EYA4: variants seen among roughly 807,000 people sequenced by gnomAD.
EYA4 encodes the protein EYA transcriptional coactivator and phosphatase 4.
EYA4 carries 31 observed loss-of-function variants against 87.9 expected under a neutral mutation model. That is an observed-to-expected ratio of 0.35 (90% CI 0.27 to 0.48). The LOEUF is 0.48. Among genes scored for constraint, EYA4 ranks in the 20% least tolerant of loss-of-function variants. The pLI is 0.99. For missense variants in EYA4, 678 were observed against 761.4 expected (o/e 0.89, Z 1.29); for synonymous variants, 263 against 270.6 (o/e 0.97, Z 0.28).
At chr6:133,465,580 G>A (rs1391305102) in intron 10 of EYA4, among the ~76,000 whole-genome samples, 2 of 152,078 alleles carry the variant, frequency 1.3e-5, no homozygotes, top group Non-Finnish European at 2.9e-5. Flanking sequence ...AGATGAATTC[G>A]TGATATATGT....
chr6:133,261,958 C>T (rs1775829308), intron 1 of EYA4, among the ~76,000 whole-genome samples: 1 of 152,154 alleles, frequency 6.6e-6, no homozygotes, highest in Non-Finnish European at 1.5e-5. Context: ...TTTCCAAGAT[C>T]ATACATTTAT....
intron 1 of EYA4, among the ~76,000 whole-genome samples, chr6:133,258,384 G>C (rs903903004): frequency 6.6e-6 from 1 of 151,950 alleles, no homozygotes; most frequent in Non-Finnish European, 1.5e-5. Context: ...TTTTTATTGC[G>C]ATCTTTTTCT....
chr6:133,529,964 A>C lies in EYA4; in HGVS notation c.*1159A>C, dbSNP rs75052704. On this transcript the variant is annotated 3_prime_UTR_variant, in exon 20 of 20. Transcript: ENST00000355286. ...AACTTTTTTAGAATGTGCCATGAAC[A>C]TGGCATAAAATTCACATTGAGTGCA... The C allele has an allele frequency of 1.0e-6, 1 of 985,464 alleles. No homozygotes were observed. The highest frequency in any genetic ancestry group is 1.1e-4 in the East Asian group (1 of 8,818). 61.0% of individuals were successfully genotyped at this position (985,464 alleles called of 1,614,324 possible).
chr6:133,267,284 A>G (rs1207293958), intron 1 of EYA4, among the ~76,000 whole-genome samples: 4 of 152,186 alleles, frequency 2.6e-5, no homozygotes, highest in African/African-American at 9.7e-5. Context: ...CCCATTCATC[A>G]GTATCCAAAT....
intron 14 of EYA4, among the ~76,000 whole-genome samples, chr6:133,509,534 T>G (rs1798956029): frequency 1.3e-5 from 2 of 152,158 alleles, no homozygotes; most frequent in Admixed American, 1.3e-4. Flanking sequence ...AATAGACACT[T>G]CACTGCATCC....
intron 2 of EYA4, among the ~76,000 whole-genome samples, chr6:133,355,354 T>G (rs1783934780): frequency 6.6e-6 from 1 of 152,108 alleles, no homozygotes; most frequent in East Asian, 1.9e-4. Context: ...GAAATATAAA[T>G]CATTCTGTTA....
chr6:133,507,416 C>G (rs1009424756), intron 14 of EYA4: 1 of 151,622 alleles, frequency 6.6e-6, no homozygotes, highest in Non-Finnish European at 1.5e-5. Flanking sequence ...GGAGTACATG[C>G]GCAGAACGTG....
At chr6:133,296,981 G>A (rs1457896683) in intron 2 of EYA4, among the ~76,000 whole-genome samples, 1 of 152,018 alleles carries the variant, frequency 6.6e-6, no homozygotes, top group Non-Finnish European at 1.5e-5. Context: ...CAATTCTATT[G>A]TTGTTATATA....
intron 2 of EYA4, among the ~76,000 whole-genome samples, chr6:133,369,563 C>G (rs963364542): frequency 6.6e-6 from 1 of 152,074 alleles, no homozygotes; most frequent in Non-Finnish European, 1.5e-5. Context: ...GAAGAGAGCC[C>G]TGTACTTTTT....
Position 133,531,506 on chromosome 6 carries a change from G to A in EYA4, c.*2701G>A. On this transcript the variant is annotated 3_prime_UTR_variant, in exon 20 of 20. Coordinates refer to ENST00000355286, the MANE Select transcript of EYA4 (RefSeq NM_004100.5). ...TGAAAAATGTTCTGTAACTAAAGTG[G>A]GTTTTCGGCTATTATGTATACAGCT... 1 of 446,220 alleles carries A rather than the reference G, an allele frequency of 2.2e-6. No individual in the cohort carries two copies. Among genetic ancestry groups the A allele is most frequent in the Non-Finnish European group, 4.0e-6 (1 of 249,920 alleles). 27.6% of individuals were successfully genotyped at this position (446,220 alleles called of 1,614,324 possible).
Position 133,357,043 on chromosome 6 carries a change from G to A in EYA4, c.34-25349G>A, listed in dbSNP as rs1009256236. On this transcript the variant is annotated intron_variant, in intron 2 of 19. Transcript: ENST00000355286. ...TCCCAGCACTTTGGGAGGCCGAGGC[G>A]GGCGGATCACGAGGTCAGGAGATCG... Among the ~76,000 whole-genome samples the A allele has an allele frequency of 6.6e-5, 10 of 151,780 alleles. No individual in the cohort carries two copies. In the East Asian group the frequency reaches 1.6e-3, roughly 24 times the overall value.
chr6:133,356,162 C>T (rs538035995), intron 2 of EYA4, among the ~76,000 whole-genome samples: 3 of 152,034 alleles, frequency 2.0e-5, no homozygotes, highest in South Asian at 4.2e-4. Flanking sequence ...CTCCTCATGA[C>T]GTCATATAAG....
chr6:133,343,965 A>G (rs1259672300), intron 2 of EYA4, among the ~76,000 whole-genome samples: 1 of 110,288 alleles, frequency 9.1e-6, no homozygotes, highest in Non-Finnish European at 2.0e-5. Flanking sequence ...TTTGATAGCC[A>G]TTTATCAATA....
intron 3 of EYA4, chr6:133,439,612 C>A (rs1792066339): frequency 6.6e-6 from 1 of 152,210 alleles, no homozygotes; most frequent in African/African-American, 2.4e-5. Flanking sequence ...TTTGTCCCTA[C>A]AACAATGTGC....
chr6:133,355,421 G>A (rs927114041), intron 2 of EYA4, among the ~76,000 whole-genome samples: 1 of 152,192 alleles, frequency 6.6e-6, no homozygotes, highest in African/African-American at 2.4e-5. Flanking sequence ...CAAAGACATG[G>A]AATTAGCCTA....
chr6:133,313,831 A>G (rs552610402), intron 2 of EYA4, among the ~76,000 whole-genome samples: 45 of 152,164 alleles, frequency 3.0e-4, no homozygotes, highest in Non-Finnish European at 6.0e-4. Context: ...GACTATAGAG[A>G]AATCATGTTA....
At position 133,462,419 on chromosome 6, in the gene EYA4, G is replaced by A. The variant is rs1435863664; in HGVS notation, c.522G>A (p.Gln174=). The change falls in exon 8 of 20, where the codon CAG becomes CAA. Residue 174 remains glutamine, a synonymous_variant. Transcript: ENST00000355286. Reference sequence around the variant, plus strand: ...AGACTCAGTATTCGGGGATGCAGCAGCCAGCCGTCTACACAGCCTACTCAC... The same window carrying A: ...AGACTCAGTATTCGGGGATGCAGCAACCAGCCGTCTACACAGCCTACTCAC... ...AGQTQYSGMQ[Q]PAVYTAYSQT... 6.2e-7 allele frequency: 1 copy of A among 1,613,988 alleles called. No homozygotes were observed. Among genetic ancestry groups the A allele is most frequent in the South Asian group, 1.1e-5 (1 of 91,078 alleles).
chr6:133,339,998 C>T (rs968068158), intron 2 of EYA4, among the ~76,000 whole-genome samples: 2 of 152,090 alleles, frequency 1.3e-5, no homozygotes, highest in African/African-American at 4.8e-5. Flanking sequence ...AAGAGTGCTC[C>T]TGGGCTTGAT....
intron 11 of EYA4, among the ~76,000 whole-genome samples, chr6:133,476,772 T>C (rs1352219056): frequency 6.6e-6 from 1 of 152,096 alleles, no homozygotes; most frequent in African/African-American, 2.4e-5. Flanking sequence ...TACCCAGCGG[T>C]GTGATTGCTG....
Sources: allele counts gnomAD v4.1 joint callset (sites outside exome capture counted in the v4.1 genomes callset), GRCh38; gene constraint gnomAD v4.1.1; transcripts MANE v1.5; gene names NCBI Gene and HGNC (gene_info 2026-07-23, HGNC 2026-07-21).